MALRD1: variants seen among roughly 807,000 people sequenced by gnomAD.
The protein encoded by MALRD1 is MAM and LDL receptor class A domain containing 1, also known as MAM and LDL-receptor class A domain-containing protein 1.
A neutral mutation model predicts 242.1 loss-of-function variants in MALRD1; 247 were observed. That is an observed-to-expected ratio of 1.02 (90% CI 0.92 to 1.13). MALRD1 has a LOEUF of 1.13. MALRD1 is among the 50% of genes most tolerant of loss of function. The pLI is 0.00. For missense variants in MALRD1, 2,989 were observed against 2,533.1 expected, an observed-to-expected ratio of 1.18 and a Z score of -3.86; for synonymous variants, 995 against 866.6, an observed-to-expected ratio of 1.15 and a Z score of -2.60.
chr10:19,357,631 T>C (rs979808194), intron 26 of MALRD1, among the ~76,000 whole-genome samples: 13 of 152,146 alleles, frequency 8.5e-5, no homozygotes, highest in African/African-American at 2.9e-4. Context: ...AGTGTATGTG[T>C]GTGTATCTTT....
intron 17 of MALRD1, among the ~76,000 whole-genome samples, chr10:19,206,040 T>C (rs1377423766): frequency 4.7e-5 from 7 of 150,118 alleles, no homozygotes; most frequent in Non-Finnish European, 8.9e-5. Flanking sequence ...ATTATATTTA[T>C]TTTATAAATT....
chr10:19,708,092 T>C lies in MALRD1; in HGVS notation c.6314+15538T>C, dbSNP rs1233444964. Among the ~76,000 whole-genome samples, 4 of 118,816 alleles carry C rather than the reference T, an allele frequency of 3.4e-5. 2 individuals carry two copies. The highest frequency in any genetic ancestry group is 7.6e-5 in the Non-Finnish European group (4 of 52,342). 77.9% of individuals were successfully genotyped at this position (118,816 alleles called of 152,430 possible). On this transcript the variant is annotated intron_variant, in intron 38 of 39. Coordinates refer to ENST00000454679, the MANE Select transcript of MALRD1 (RefSeq NM_001142308.3). Reference sequence around the variant, plus strand: ...GCAAGCATCAAAGATGATCCCAGAGTATTATACTTAGGTGACTGCACAGTT... The same window carrying C: ...GCAAGCATCAAAGATGATCCCAGAGCATTATACTTAGGTGACTGCACAGTT...
chr10:19,447,800 A>G (rs1257572697), intron 28 of MALRD1, among the ~76,000 whole-genome samples: 2 of 152,174 alleles, frequency 1.3e-5, no homozygotes, highest in African/African-American at 4.8e-5. Flanking sequence ...TCACTAAGAC[A>G]TCACTGAGAG....
At chr10:19,243,140 T>A (rs915983158) in intron 18 of MALRD1, among the ~76,000 whole-genome samples, 2 of 151,906 alleles carry the variant, frequency 1.3e-5, no homozygotes, top group Non-Finnish European at 2.9e-5. Context: ...AGTCCTGTAT[T>A]TGTAACAGAC....
chr10:19,478,154 A>G (rs1415590079), intron 29 of MALRD1, among the ~76,000 whole-genome samples: 2 of 152,188 alleles, frequency 1.3e-5, no homozygotes, highest in Non-Finnish European at 2.9e-5. Flanking sequence ...CAACTCTATC[A>G]CACAGTATAG....
At chr10:19,125,294 C>T (rs10763870) in intron 7 of MALRD1, among the ~76,000 whole-genome samples, 2,551 of 38,062 alleles carry the variant, frequency 0.067, 81 homozygotes, top group South Asian at 0.14. Context: ...TCTTTCTTTC[C>T]TTCCTTCCTT....
At chr10:19,613,976 C>T (rs1019821685) in intron 35 of MALRD1, among the ~76,000 whole-genome samples, 1 of 152,024 alleles carries the variant, frequency 6.6e-6, no homozygotes, top group Non-Finnish European at 1.5e-5. Context: ...GTTCCCATCA[C>T]CCTTAGAACA....
Position 19,065,941 on chromosome 10 carries a change from A to G in MALRD1, c.200-778A>G, listed in dbSNP as rs75718628. ...AAACCTGAAATTCTGATATGCCTGC[A>G]TGGCACGAAGATGGAAGCTGAGTTT... On this transcript the variant is annotated intron_variant, in intron 1 of 39. Coordinates refer to ENST00000454679, the MANE Select transcript of MALRD1 (RefSeq NM_001142308.3). Among the ~76,000 whole-genome samples, 633 of 152,264 alleles carry G rather than the reference A, an allele frequency of 4.2e-3. 9 individuals carry two copies. The highest frequency in any genetic ancestry group is 0.014 in the African/African-American group (599 of 41,544).
intron 2 of MALRD1, among the ~76,000 whole-genome samples, chr10:19,082,031 A>G (rs1590402369): frequency 1.3e-5 from 2 of 151,690 alleles, no homozygotes; most frequent in Non-Finnish European, 2.9e-5. Context: ...CATCAGAGCG[A>G]TATGTTGTTT....
At chr10:19,384,176 G>C (rs1004717006) in intron 26 of MALRD1, among the ~76,000 whole-genome samples, 3 of 149,190 alleles carry the variant, frequency 2.0e-5, no homozygotes, top group Admixed American at 1.4e-4. Flanking sequence ...TGTCTTCTTT[G>C]GAGAAATGTC....
chr10:19,545,987 A>G (rs191782727), intron 32 of MALRD1, among the ~76,000 whole-genome samples: 1 of 152,256 alleles, frequency 6.6e-6, no homozygotes, highest in East Asian at 1.9e-4. Flanking sequence ...TTTGCCTGTT[A>G]GGTATGACTG....
chr10:19,313,687 A>C (rs1842523097), intron 21 of MALRD1, among the ~76,000 whole-genome samples: 1 of 151,654 alleles, frequency 6.6e-6, no homozygotes, highest in South Asian at 2.1e-4. Flanking sequence ...TGAGACTCTT[A>C]GAGTCCTATT....
intron 28 of MALRD1, among the ~76,000 whole-genome samples, chr10:19,400,959 T>G (rs1319416842): frequency 1.3e-5 from 2 of 152,058 alleles, no homozygotes; most frequent in Non-Finnish European, 2.9e-5. Context: ...GAGGTTGCAG[T>G]GAGCCAAGAT....
intron 31 of MALRD1, among the ~76,000 whole-genome samples, chr10:19,522,355 AT>A (rs1330882447): frequency 6.6e-6 from 1 of 152,144 alleles, no homozygotes; most frequent in Admixed American, 6.5e-5. Flanking sequence ...AGGAACTGAG[AT>A]TAAAAGGCCA....
chr10:19,361,103 A>G (rs999492550), intron 26 of MALRD1, among the ~76,000 whole-genome samples: 18 of 151,972 alleles, frequency 1.2e-4, no homozygotes, highest in African/African-American at 4.4e-4. Flanking sequence ...TAGTAATAAA[A>G]CTCCCAATAC....
intron 31 of MALRD1, among the ~76,000 whole-genome samples, chr10:19,505,921 T>G (rs1778852592): frequency 6.6e-6 from 1 of 152,158 alleles, no homozygotes; most frequent in Admixed American, 6.5e-5. Flanking sequence ...TTTTGAACCT[T>G]GGCTGCATAT....
intron 31 of MALRD1, among the ~76,000 whole-genome samples, chr10:19,513,407 CATGAGCCAA>C (rs1166664061): frequency 2.0e-5 from 3 of 151,852 alleles, no homozygotes; most frequent in Non-Finnish European, 2.9e-5. Flanking sequence ...CTTGCAGAAC[CATGAGCCAA>C]ATAAATCTCT....
At chr10:19,434,458 C>A (rs1165289427) in intron 28 of MALRD1, among the ~76,000 whole-genome samples, 1 of 151,728 alleles carries the variant, frequency 6.6e-6, no homozygotes, top group Non-Finnish European at 1.5e-5. Context: ...TTTAAAAATT[C>A]AAAATATAAT....
At chr10:19,130,738 T>C (rs1284676382) in intron 8 of MALRD1, among the ~76,000 whole-genome samples, 1 of 152,162 alleles carries the variant, frequency 6.6e-6, no homozygotes, top group African/African-American at 2.4e-5. Context: ...ATTTAGTATG[T>C]ATGTAATTAT....
Sources: gnomAD v4.1 joint callset for allele counts (sites outside exome capture counted in the v4.1 genomes callset) on GRCh38, gnomAD v4.1.1 for gene constraint, MANE v1.5 for transcripts, NCBI Gene and HGNC (gene_info 2026-07-23, HGNC 2026-07-21) for gene names.